Variants in PTP4A1 observed in about 807,000 individuals in gnomAD.
PTP4A1 encodes the protein protein tyrosine phosphatase 4A1.
In PTP4A1, 9 loss-of-function variants were observed where a neutral mutation model predicts 20.5. The observed-to-expected ratio is 0.44, with a 90% CI of 0.26 to 0.77. The LOEUF is 0.77. Ranked by LOEUF, PTP4A1 falls within the 30% of genes least tolerant of loss-of-function variation. The pLI is 0.19. For synonymous variants in PTP4A1, 78 were observed against 67.4 expected (o/e 1.16, Z -0.77); for missense variants, 137 against 218.8 (o/e 0.63, Z 2.36).
At chr6:63,575,621 G>A (rs1414331841) in intron 1 of PTP4A1, among the ~76,000 whole-genome samples, 1 of 152,082 alleles carries the variant, frequency 6.6e-6, no homozygotes, top group African/African-American at 2.4e-5. Context: ...TTGGATTTCA[G>A]TTTTGAGTTG....
intron 1 of PTP4A1, chr6:63,573,600 T>A (rs1216389470): frequency 6.6e-6 from 1 of 152,176 alleles, no homozygotes; most frequent in Non-Finnish European, 1.5e-5. Flanking sequence ...CGGGCCAGAG[T>A]GGGGTTCTGC....
intron 2 of PTP4A1, among the ~76,000 whole-genome samples, chr6:63,538,316 T>C (rs1775807633): frequency 1.3e-5 from 2 of 152,228 alleles, no homozygotes; most frequent in Non-Finnish European, 2.9e-5. Flanking sequence ...AAAATTGTAC[T>C]GAAAGTTCAG....
At chr6:63,523,302 G>A (rs1250223667) in intron 1 of PTP4A1, among the ~76,000 whole-genome samples, 1 of 152,000 alleles carries the variant, frequency 6.6e-6, no homozygotes, top group East Asian at 1.9e-4. Context: ...ATAAATGAAG[G>A]CGGGCAGATC....
chr6:63,548,606 AG>A, intron 2 of PTP4A1: 2 of 315,008 alleles, frequency 6.3e-6, no homozygotes, highest in Admixed American at 8.6e-5. Context: ...AATTCAGAAA[AG>A]GTTTATTGAG....
At chr6:63,563,542 CCTT>C (rs1432316982) in intron 3 of PTP4A1, among the ~76,000 whole-genome samples, 4 of 152,248 alleles carry the variant, frequency 2.6e-5, no homozygotes, top group Non-Finnish European at 5.9e-5. Flanking sequence ...CTGTTGACCT[CCTT>C]CACAGCACAG....
At position 63,581,324 on chromosome 6, in the gene PTP4A1, T is replaced by C. The variant is rs1561917025; in HGVS notation, c.*1150T>C. On this transcript the variant is annotated 3_prime_UTR_variant, in exon 6 of 6. Transcript: ENST00000626021. ...ATGTGTATTAATGTTAGTTCAACCATATATTTATACTGTCTGGGGATGTGT... is the reference window on the plus strand; with the variant it reads ...ATGTGTATTAATGTTAGTTCAACCACATATTTATACTGTCTGGGGATGTGT... The C allele has an allele frequency of 6.6e-6, 1 of 152,618 alleles. No homozygotes were observed. Among genetic ancestry groups the C allele is most frequent in the East Asian group, 1.9e-4 (1 of 5,202 alleles). 9.5% of individuals were successfully genotyped at this position (152,618 alleles called of 1,614,324 possible).
intron 3 of PTP4A1, among the ~76,000 whole-genome samples, chr6:63,554,048 G>A (rs890577903): frequency 1.3e-5 from 2 of 152,130 alleles, no homozygotes; most frequent in Admixed American, 6.6e-5. Context: ...ATCTGAGGAG[G>A]GGAGGAGTAA....
At chr6:63,531,850 C>G (rs1454577683) in intron 2 of PTP4A1, among the ~76,000 whole-genome samples, 2 of 148,690 alleles carry the variant, frequency 1.3e-5, no homozygotes, top group African/African-American at 5.0e-5. Context: ...TTTTTTGAGA[C>G]AGAGTCTTGC....
chr6:63,578,551 T>G lies in PTP4A1; in HGVS notation c.198+22T>G, dbSNP rs185113416. The G allele has an allele frequency of 5.0e-6, 8 of 1,603,672 alleles. No individual in the cohort carries two copies. The African/African-American group carries it at 9.4e-5, about 19-fold the overall frequency. The stretch of plus-strand genomic sequence containing the variant: ...TCTTGTAAGTATTTAACAGTTCTTA[T>G]GGGTTTATGGTGCTGTGCTACAAAA... On this transcript the variant is annotated intron_variant, in intron 3 of 5. Transcript: ENST00000626021.
chr6:63,543,431 C>G (rs1199987340), intron 2 of PTP4A1, among the ~76,000 whole-genome samples: 1 of 152,212 alleles, frequency 6.6e-6, no homozygotes, highest in East Asian at 1.9e-4. Flanking sequence ...AATCCTCCCA[C>G]TAAAGTGTAA....
intron 2 of PTP4A1, chr6:63,548,698 C>CAGTGT: frequency 1.7e-6 from 1 of 583,724 alleles, no homozygotes; most frequent in East Asian, 2.9e-5. Flanking sequence ...GAAAACTCAA[C>CAGTGT]AGTGTACATT....
At chr6:63,534,869 G>T (rs1393878142) in intron 2 of PTP4A1, among the ~76,000 whole-genome samples, 3 of 116,010 alleles carry the variant, frequency 2.6e-5, no homozygotes, top group Non-Finnish European at 5.6e-5. Context: ...CTTTACTAAA[G>T]AATTTCAACA....
rs764521867 is a variant in PTP4A1, at chr6:63,579,244, C to T, written c.330-13C>T. Reference sequence around the variant, plus strand: ...TTTGAAAAAACTATTTATCAAAATTCTTACCTCACCAGAGCTCCAGTACTT... The same window carrying T: ...TTTGAAAAAACTATTTATCAAAATTTTTACCTCACCAGAGCTCCAGTACTT... On this transcript the variant is annotated splice_polypyrimidine_tract_variant and intron_variant, in intron 4 of 5. Transcript: ENST00000626021. The T allele has an allele frequency of 7.5e-6, 12 of 1,591,456 alleles. No homozygotes were observed. The highest frequency in any genetic ancestry group is 1.0e-5 in the Non-Finnish European group (12 of 1,170,840).
chr6:63,563,212 A>G (rs1208191256), intron 3 of PTP4A1, among the ~76,000 whole-genome samples: 1 of 152,148 alleles, frequency 6.6e-6, no homozygotes, highest in Non-Finnish European at 1.5e-5. Flanking sequence ...CTTAAAACAA[A>G]TTTCCTGATA....
chr6:63,521,106 A>C (rs189519244), upstream of PTP4A1, among the ~76,000 whole-genome samples: 170 of 152,204 alleles, frequency 1.1e-3, no homozygotes, highest in Non-Finnish European at 1.8e-3. Context: ...AAGGGGAGGG[A>C]GAGCATGCGG....
At chr6:63,526,833 A>ATATATT (rs1486980690) in intron 1 of PTP4A1, among the ~76,000 whole-genome samples, 209 of 127,994 alleles carry the variant, frequency 1.6e-3, no homozygotes, top group African/African-American at 3.8e-3. Context: ...ATATATATAT[A>ATATATT]TATTTATTTA....
chr6:63,539,931 C>T (rs902769679), intron 2 of PTP4A1, among the ~76,000 whole-genome samples: 2 of 152,106 alleles, frequency 1.3e-5, no homozygotes, highest in Admixed American at 1.3e-4. Context: ...AATGGACAAA[C>T]ATTGGAAAGT....
At chr6:63,568,806 C>A (rs745466382), upstream of PTP4A1, among the ~76,000 whole-genome samples, 1 of 152,114 alleles carries the variant, frequency 6.6e-6, no homozygotes, top group Non-Finnish European at 1.5e-5. Flanking sequence ...TTTAACAATG[C>A]TGACAGCAGC....
intron 1 of PTP4A1, among the ~76,000 whole-genome samples, chr6:63,526,949 T>G (rs1775216970): frequency 1.3e-5 from 2 of 151,812 alleles, no homozygotes; most frequent in African/African-American, 4.8e-5. Flanking sequence ...TGTTATGCAC[T>G]TCTTCAAAAT....
Sources: allele counts gnomAD v4.1 joint callset (sites outside exome capture counted in the v4.1 genomes callset), GRCh38; gene constraint gnomAD v4.1.1; transcripts MANE v1.5; gene names NCBI Gene and HGNC (gene_info 2026-07-23, HGNC 2026-07-21).